Variants in CIB1 observed in about 807,000 individuals in gnomAD.
The protein encoded by CIB1 is calcium and integrin-binding protein 1.
A neutral mutation model predicts 25.0 loss-of-function variants in CIB1; 19 were observed. The observed-to-expected ratio is 0.76, with a 90% confidence interval of 0.53 to 1.12. The LOEUF is 1.12. Among genes scored for constraint, CIB1 ranks in the 50% most tolerant of loss-of-function variants. The probability of loss-of-function intolerance (pLI) is 0.00; values close to 1 mark genes in which losing one functional copy is unlikely to be tolerated. For missense variants in CIB1, 236 were observed against 242.6 expected, an observed-to-expected ratio of 0.97 and a Z score of 0.18; for synonymous variants, 104 against 98.5, an observed-to-expected ratio of 1.06 and a Z score of -0.33.
intron 2 of CIB1, among the ~76,000 whole-genome samples, chr15:90,232,767 A>G (rs1247035574): frequency 6.6e-6 from 1 of 151,924 alleles, no homozygotes; most frequent in African/African-American, 2.4e-5. Context: ...TTAGCCGGGC[A>G]TGGTGGCGGG....
chr15:90,252,473 G>A, the CIB1 span, among the ~76,000 whole-genome samples: 1 of 152,216 alleles, frequency 6.6e-6, no homozygotes, highest in African/African-American at 2.4e-5. Context: ...GAGCCACCAT[G>A]CCAGACCCTT....
chr15:90,263,832 G>A, the CIB1 span: 2 of 747,064 alleles, frequency 2.7e-6, no homozygotes, highest in Non-Finnish European at 4.7e-6. Context: ...CCACAGAGCA[G>A]GGCGCTCCTC....
At chr15:90,258,711 G>C in the CIB1 span, 3 of 1,592,374 alleles carry the variant, frequency 1.9e-6, no homozygotes, top group Admixed American at 1.7e-5. Flanking sequence ...AGGTGGTCTG[G>C]GAAAGGGGTG....
intron 2 of CIB1, among the ~76,000 whole-genome samples, 195 bp downstream of exon 2, chr15:90,233,474 G>A (rs1016729470): frequency 8.5e-5 from 13 of 152,246 alleles, no homozygotes; most frequent in Admixed American, 1.3e-4. Context: ...GCTCCGCGGT[G>A]CCACGCTGGG....
At chr15:90,257,859 C>A in the CIB1 span, 2 of 960,616 alleles carry the variant, frequency 2.1e-6, no homozygotes, top group Non-Finnish European at 1.6e-6. Context: ...CCTGTGCCTG[C>A]ACTTTGGAGC....
At chr15:90,254,479 T>C in the CIB1 span, among the ~76,000 whole-genome samples, 34,206 of 112,930 alleles carry the variant, frequency 0.3, 5,196 homozygotes, top group East Asian at 0.7. Context: ...GGTGACAGAG[T>C]GAGACTCCAT....
the CIB1 span, chr15:90,262,708 A>T: frequency 6.9e-7 from 1 of 1,445,260 alleles, no homozygotes; most frequent in Non-Finnish European, 9.1e-7. Context: ...TCCACAGGAA[A>T]ATGGGTTGGG....
At chr15:90,264,182 G>T in the CIB1 span, 1 of 651,420 alleles carries the variant, frequency 1.5e-6, no homozygotes, top group Non-Finnish European at 2.6e-6. Context: ...GGAAGTTAGG[G>T]TACCCATTTA....
chr15:90,247,494 G>A, the CIB1 span, among the ~76,000 whole-genome samples: 35 of 150,866 alleles, frequency 2.3e-4, no homozygotes, highest in Non-Finnish European at 4.3e-4. Flanking sequence ...TCTGTGAATC[G>A]GGCAGCCCAT....
the CIB1 span, chr15:90,258,151 T>C: frequency 6.2e-7 from 1 of 1,614,242 alleles, no homozygotes; most frequent in Middle Eastern, 1.6e-4. Flanking sequence ...CATTCTGTTC[T>C]ACGCCACAAC....
chr15:90,231,309 C>T (rs1962482674), intron 4 of CIB1, 48 bp downstream of exon 4: 8 of 1,609,112 alleles, frequency 5.0e-6, no homozygotes, highest in Non-Finnish European at 6.8e-6. Flanking sequence ...CACCACAAAG[C>T]CCACGTGGGA....
At chr15:90,258,542 G>A in the CIB1 span, 2 of 616,962 alleles carry the variant, frequency 3.2e-6, no homozygotes, top group Non-Finnish European at 5.7e-6. Context: ...TAGAGAGGCA[G>A]GCCAGCTGAT....
In CIB1 at chr15:90,233,834, C is replaced by A; in HGVS notation, c.51+1G>T. ...TCCCCAGGGCCAGGCGTCCCGCGCA[C>A]CTGGTACTCGGCCAGCAGCTCCTTG... On this transcript the variant is annotated splice_donor_variant, in intron 1 of 6. Transcript: ENST00000328649. LOFTEE classifies it high-confidence loss of function. The A allele has an allele frequency of 1.3e-6, 2 of 1,541,682 alleles. No homozygotes were observed. The highest frequency in any genetic ancestry group is 1.7e-6 in the Non-Finnish European group (2 of 1,143,062).
the CIB1 span, chr15:90,257,228 G>A: frequency 4.3e-6 from 7 of 1,613,926 alleles, no homozygotes; most frequent in African/African-American, 1.3e-5. Context: ...ATATGAGGAG[G>A]GCCTAGCCCG....
At chr15:90,246,849 T>A in the CIB1 span, among the ~76,000 whole-genome samples, 1 of 141,140 alleles carries the variant, frequency 7.1e-6, no homozygotes, top group African/African-American at 2.6e-5. Context: ...TTGTGGCAAT[T>A]CAGGCAAGAA....
chr15:90,259,132 G>C, the CIB1 span: 5 of 1,237,400 alleles, frequency 4.0e-6, no homozygotes, highest in Non-Finnish European at 5.3e-6. Context: ...GGAGGCTGAG[G>C]CAGGAGGATT....
chr15:90,253,705 G>A, the CIB1 span, among the ~76,000 whole-genome samples: 2 of 152,188 alleles, frequency 1.3e-5, no homozygotes, highest in Non-Finnish European at 2.9e-5. Flanking sequence ...AGCAGGGCCA[G>A]TTGAATGATC....
rs1296353492 is a variant in CIB1 at position 90,233,877 on chromosome 15, GC to G, written c.8del (p.Gly3AlafsTer17). On this transcript the variant is annotated frameshift_variant, in exon 1 of 7. Coordinates refer to ENST00000328649, the MANE Select transcript of CIB1 (RefSeq NM_006384.4). LOFTEE classifies it high-confidence loss of function. MGGSGSRLSKELL... is the reference protein window; with the variant it reads MGXSGSRLSKELL... ...GCTCCTTGGACAGGCGACTGCCCGAGCCCCCCATCGCCCCGCCGCGCGCACA... is the reference window on the plus strand; with the variant it reads ...GCTCCTTGGACAGGCGACTGCCCGAGCCCCCATCGCCCCGCCGCGCGCACA... 7.5e-6 allele frequency: 11 copies of G among 1,473,742 alleles called. No homozygotes were observed. The Admixed American group carries it at 7.6e-5, about 10-fold the overall frequency. The allele number at this position is 1,473,742 out of a possible 1,614,324, so 91.3% of individuals were successfully genotyped here.
Position 90,233,915 on chromosome 15 carries a change from T to C in CIB1, c.-30A>G, listed in dbSNP as rs1189680905. On this transcript the variant is annotated 5_prime_UTR_variant, in exon 1 of 7. Transcript: ENST00000328649. ...CCGCCGCGCGCACAGCTCCGCCAAC[T>C]CGCCTCGAGACGCAGACAACTTTCT... is the stretch of plus-strand genomic sequence containing the variant. 2.1e-6 allele frequency: 3 copies of C among 1,449,930 alleles called. No homozygotes were observed. Among genetic ancestry groups the C allele is most frequent in the Non-Finnish European group, 2.7e-6 (3 of 1,106,124 alleles). The allele number at this position is 1,449,930 out of a possible 1,614,324, so 89.8% of individuals were successfully genotyped here.
Sources: allele counts gnomAD v4.1 joint callset (sites outside exome capture counted in the v4.1 genomes callset), GRCh38; gene constraint gnomAD v4.1.1; transcripts MANE v1.5; gene names NCBI Gene and HGNC (gene_info 2026-07-23, HGNC 2026-07-21).